The following ANXA8 variants were observed in gnomAD, a reference collection of about 807,000 sequenced individuals.
The protein encoded by ANXA8 is VAC-beta.
In ANXA8, 9 loss-of-function variants were observed where a neutral mutation model predicts 26.8. That is an observed-to-expected ratio of 0.34 (90% CI 0.20 to 0.59). ANXA8 has a LOEUF of 0.59. Among genes scored for constraint, ANXA8 ranks in the 20% least tolerant of loss-of-function variants. ANXA8 has a pLI of 0.84. For missense variants in ANXA8, 83 were observed against 238.5 expected, an observed-to-expected ratio of 0.35 and a Z score of 4.29; for synonymous variants, 39 against 94.8, an observed-to-expected ratio of 0.41 and a Z score of 3.42.
chr10:47,747,948 G>A, the ANXA8 span, among the ~76,000 whole-genome samples: 1 of 151,714 alleles, frequency 6.6e-6, no homozygotes, highest in Admixed American at 6.6e-5. Context: ...TCTTTGAACT[G>A]TAATATAGGA....
chr10:47,762,896 G>T, the ANXA8 span: 18 of 1,427,008 alleles, frequency 1.3e-5, no homozygotes, highest in Admixed American at 4.1e-4. Context: ...AGAGCCGACC[G>T]TGAGCTCCCG....
the ANXA8 span, among the ~76,000 whole-genome samples, chr10:47,510,927 A>T: frequency 2.3e-4 from 31 of 132,618 alleles, no homozygotes; most frequent in Admixed American, 8.5e-4. Context: ...TTAATTAATT[A>T]ATTAATTAAT....
chr10:47,653,513 G>C, the ANXA8 span, among the ~76,000 whole-genome samples: 3,307 of 151,582 alleles, frequency 0.022, 78 homozygotes, highest in African/African-American at 0.076. Flanking sequence ...CAGTAGTTCT[G>C]GAAGAGACTT....
chr10:47,695,353 G>A, the ANXA8 span, among the ~76,000 whole-genome samples: 1 of 150,544 alleles, frequency 6.6e-6, no homozygotes. Context: ...GTAGTGGTGG[G>A]GCATGGGCAC....
the ANXA8 span, among the ~76,000 whole-genome samples, chr10:47,570,948 C>T: frequency 6.6e-6 from 1 of 150,532 alleles, no homozygotes; most frequent in African/African-American, 2.5e-5. Flanking sequence ...TGACGTGCCG[C>T]ATACCCAGCA....
At chr10:47,565,947 G>C in the ANXA8 span, 2 of 1,496,500 alleles carry the variant, frequency 1.3e-6, no homozygotes, top group East Asian at 5.6e-5. Flanking sequence ...GGGCGCGCGC[G>C]CGGCGAGGAG....
At chr10:47,587,366 C>G in the ANXA8 span, among the ~76,000 whole-genome samples, 3 of 148,364 alleles carry the variant, frequency 2.0e-5, no homozygotes, top group African/African-American at 5.3e-5. Flanking sequence ...GGGTATCGTT[C>G]TAACTTCATT....
chr10:47,665,594 G>A, the ANXA8 span, among the ~76,000 whole-genome samples: 1 of 149,602 alleles, frequency 6.7e-6, no homozygotes, highest in Non-Finnish European at 1.5e-5. Context: ...TGTGTTACCA[G>A]AATACAAAGA....
the ANXA8 span, chr10:47,690,955 C>G: frequency 3.1e-6 from 5 of 1,610,650 alleles, no homozygotes; most frequent in Admixed American, 3.3e-5. Context: ...AGAAATGGAT[C>G]GGAGAAATGT....
At chr10:47,733,179 T>TTCTTTCTTTCTCTCTCTCTCTCTCTC in the ANXA8 span, among the ~76,000 whole-genome samples, 1 of 87,586 alleles carries the variant, frequency 1.1e-5, no homozygotes, top group African/African-American at 3.2e-5. Context: ...CTTTCTTTCT[T>TTCTTTCTTTCTCTCTCTCTCTCTCTC]TCTTTCTTTC....
chr10:47,707,180 A>AAC, the ANXA8 span, among the ~76,000 whole-genome samples: 7,792 of 132,796 alleles, frequency 0.059, 528 homozygotes, highest in African/African-American at 0.18. Flanking sequence ...AAAAACAAAA[A>AAC]AAAACAAAAA....
the ANXA8 span, among the ~76,000 whole-genome samples, chr10:47,969,819 G>A: frequency 5.6e-3 from 852 of 151,272 alleles, 43 homozygotes; most frequent in East Asian, 0.096. Flanking sequence ...GTCCTCAAGC[G>A]ATCCTCCTGC....
chr10:47,742,992 A>C, the ANXA8 span, among the ~76,000 whole-genome samples: 13 of 59,714 alleles, frequency 2.2e-4, no homozygotes, highest in African/African-American at 8.2e-4. Context: ...GTCTCTACTA[A>C]AAAAAAAAAA....
chr10:47,648,014 C>T, the ANXA8 span, among the ~76,000 whole-genome samples: 1 of 151,862 alleles, frequency 6.6e-6, no homozygotes, highest in Non-Finnish European at 1.5e-5. Flanking sequence ...AAAAGCCTTC[C>T]TGAGCTGAGG....
the ANXA8 span, among the ~76,000 whole-genome samples, chr10:47,959,856 G>A: frequency 1.3e-5 from 2 of 151,366 alleles, no homozygotes; most frequent in Non-Finnish European, 2.9e-5. Context: ...TAAGCTCAGG[G>A]CTAAGAGGCT....
the ANXA8 span, among the ~76,000 whole-genome samples, chr10:47,546,609 T>C: frequency 4.2e-3 from 571 of 137,176 alleles, 13 homozygotes; most frequent in African/African-American, 0.015. Flanking sequence ...GGTTTCACAG[T>C]GTTCACCAGG....
At chr10:47,967,111 T>G in the ANXA8 span, among the ~76,000 whole-genome samples, 1 of 148,780 alleles carries the variant, frequency 6.7e-6, no homozygotes. Flanking sequence ...GTGATCAATG[T>G]AAAACAAACA....
the ANXA8 span, among the ~76,000 whole-genome samples, chr10:47,510,967 G>A: frequency 9.0e-4 from 115 of 127,482 alleles, 9 homozygotes; most frequent in African/African-American, 3.3e-3. Flanking sequence ...TTTTTGAGAC[G>A]GAGTCTCGCT....
At chr10:47,953,089 G>A in the ANXA8 span, among the ~76,000 whole-genome samples, 6 of 150,496 alleles carry the variant, frequency 4.0e-5, no homozygotes, top group Non-Finnish European at 8.8e-5. Flanking sequence ...AAATTTTCGA[G>A]GAAAAAAATT....
Sources: allele counts gnomAD v4.1 joint callset (sites outside exome capture counted in the v4.1 genomes callset), GRCh38; gene constraint gnomAD v4.1.1; transcripts MANE v1.5; gene names NCBI Gene and HGNC (gene_info 2026-07-23, HGNC 2026-07-21).